MCTP2: variants seen among roughly 807,000 people sequenced by gnomAD.
MCTP2 encodes the protein multiple C2 and transmembrane domain-containing protein 2.
Under a neutral mutation model 111.6 loss-of-function variants are expected in MCTP2, and 132 were observed. That is an observed-to-expected ratio of 1.18 (90% confidence interval 1.03 to 1.37). The LOEUF (loss-of-function observed/expected upper bound fraction) is 1.37. Among genes scored for constraint, MCTP2 ranks in the 40% most tolerant of loss-of-function variants. The pLI, the probability that MCTP2 is intolerant of heterozygous loss-of-function variation, is 0.00. For missense variants in MCTP2, 1,183 were observed against 1,067.9 expected, an observed-to-expected ratio of 1.11 and a Z score of -1.50; for synonymous variants, 395 against 387.7, an observed-to-expected ratio of 1.02 and a Z score of -0.22.
At chr15:94,465,678 G>A (rs1169444904) in intron 20 of MCTP2, among the ~76,000 whole-genome samples, 1 of 152,120 alleles carries the variant, frequency 6.6e-6, no homozygotes, top group Non-Finnish European at 1.5e-5. Context: ...ACTGTAGCAT[G>A]TAATCCCTGC....
intron 11 of MCTP2, among the ~76,000 whole-genome samples, chr15:94,369,063 T>C: frequency 6.6e-6 from 1 of 152,218 alleles, no homozygotes; most frequent in East Asian, 1.9e-4. Flanking sequence ...TAAAGGCATT[T>C]CCACTTCTAA....
intron 17 of MCTP2, among the ~76,000 whole-genome samples, chr15:94,412,829 AC>A (rs1331412827): frequency 6.6e-6 from 1 of 151,702 alleles, no homozygotes; most frequent in Non-Finnish European, 1.5e-5. Context: ...TTGCAAGGAA[AC>A]TTTTATAGGC....
rs1403292419 is a variant in MCTP2, at chr15:94,257,591, T to G, written c.-66+25927T>G. ...GTTGTTTTTTTTTTTTTTTTTTTTTTTTTTTTTTTTTTTGAGACGGAGTCT... is the reference window on the plus strand; with the variant it reads ...GTTGTTTTTTTTTTTTTTTTTTTTTGTTTTTTTTTTTTTGAGACGGAGTCT... On this transcript the variant is annotated intron_variant, in intron 1 of 22. Transcript: ENST00000357742. 1.8e-4 allele frequency among the ~76,000 whole-genome samples: 11 copies of G among 60,076 alleles called. 1 individual carries two copies. Among genetic ancestry groups the G allele is most frequent in the Middle Eastern group, 9.8e-3 (1 of 102 alleles). 39.4% of individuals were successfully genotyped at this position (60,076 alleles called of 152,430 possible). A position where few individuals can be genotyped will look rare whatever the true frequency, so the allele number is the denominator to read the frequency against.
At chr15:94,357,814 A>T (rs1211188069) in intron 9 of MCTP2, among the ~76,000 whole-genome samples, 1 of 152,212 alleles carries the variant, frequency 6.6e-6, no homozygotes, top group Non-Finnish European at 1.5e-5. Context: ...AGGAAACAAA[A>T]ATGAAAATCC....
rs560334343 is a variant in MCTP2, at chr15:94,246,168, A to G, written c.-66+14504A>G. Among the ~76,000 whole-genome samples the G allele has an allele frequency of 1.2e-3, 177 of 152,224 alleles. 3 individuals are homozygous for G. The highest frequency in any genetic ancestry group is 8.7e-3 in the South Asian group (42 of 4,822). ...TGAAGGACCCTTTGCAATGCTACACATATTAGGAATGGACACTGAAACCGT... is the reference window on the plus strand; with the variant it reads ...TGAAGGACCCTTTGCAATGCTACACGTATTAGGAATGGACACTGAAACCGT... On this transcript the variant is annotated intron_variant, in intron 1 of 22. Coordinates refer to ENST00000357742, the MANE Select transcript of MCTP2 (RefSeq NM_001385001.1).
At chr15:94,257,566 G>GTTTTTTTTTTTTTTTTTTTTT (rs1220635423) in intron 1 of MCTP2, among the ~76,000 whole-genome samples, 5 of 73,006 alleles carry the variant, frequency 6.8e-5, no homozygotes, top group East Asian at 5.3e-4. Flanking sequence ...CATTTTCTTT[G>GTTTTTTTTTTTTTTTTTTTTT]TTGTTTTTTT....
chr15:94,276,836 ACTAAC>A, intron 1 of MCTP2, among the ~76,000 whole-genome samples: 1 of 110,810 alleles, frequency 9.0e-6, no homozygotes, highest in East Asian at 2.5e-4. Context: ...CTGTTAGTAA[ACTAAC>A]CCAAAAAAAA....
At chr15:94,299,921 A>AT (rs1374130899) in intron 2 of MCTP2, among the ~76,000 whole-genome samples, 1 of 152,142 alleles carries the variant, frequency 6.6e-6, no homozygotes. Flanking sequence ...GACTTTAACT[A>AT]TTTTTTTATT....
intron 2 of MCTP2, among the ~76,000 whole-genome samples, chr15:94,307,049 C>G (rs559815351): frequency 6.6e-6 from 1 of 152,068 alleles, no homozygotes; most frequent in Admixed American, 6.5e-5. Flanking sequence ...CAGCTACATC[C>G]CAGGGTCCAT....
intron 1 of MCTP2, among the ~76,000 whole-genome samples, chr15:94,242,676 C>T (rs1033017672): frequency 7.7e-6 from 1 of 129,666 alleles, no homozygotes; most frequent in South Asian, 2.5e-4. Flanking sequence ...AGACACTAGA[C>T]ACTGAAAGTT....
Position 94,340,261 on chromosome 15 carries a change from T to A in MCTP2, c.843T>A (p.Asp281Glu). 3.7e-6 allele frequency: 6 copies of A among 1,612,294 alleles called. No individual in the cohort carries two copies. Among genetic ancestry groups the A allele is most frequent in the Non-Finnish European group, 5.1e-6 (6 of 1,178,512 alleles). ...FMGSAFVILS[D>E]LELNRTTEHI... ...GTTCTGCATTTGTCATTCTCAGTGA[T>A]CTTGAGCTTAACAGGTACCGTATTT... The change falls in exon 6 of 23, where the codon GAT (aspartate) becomes GAA (glutamate). Residue 281 changes from aspartate to glutamate, a missense_variant. Physicochemically the swap from Asp to Glu is conservative, Grantham distance 45. Coordinates refer to ENST00000357742, the MANE Select transcript of MCTP2 (RefSeq NM_001385001.1).
intron 16 of MCTP2, among the ~76,000 whole-genome samples, chr15:94,401,584 C>G (rs1056066637): frequency 6.6e-4 from 100 of 152,138 alleles, no homozygotes; most frequent in Admixed American, 6.6e-3. Context: ...CTGCATGTGT[C>G]TTTCTCACAC....
chr15:94,385,081 C>T (rs2080379637), intron 13 of MCTP2, among the ~76,000 whole-genome samples: 1 of 152,152 alleles, frequency 6.6e-6, no homozygotes, highest in Admixed American at 6.5e-5. Context: ...CATTTGGAAG[C>T]TTTTTAAAAA....
At chr15:94,311,855 A>T (rs533857996) in intron 2 of MCTP2, among the ~76,000 whole-genome samples, 7 of 152,356 alleles carry the variant, frequency 4.6e-5, no homozygotes, top group African/African-American at 1.7e-4. Context: ...AATTAACATC[A>T]TCATTCAGTA....
chr15:94,252,330 G>A (rs1385119136), intron 1 of MCTP2, among the ~76,000 whole-genome samples: 1 of 152,124 alleles, frequency 6.6e-6, no homozygotes, highest in Non-Finnish European at 1.5e-5. Flanking sequence ...AGTTTAAAGT[G>A]TGTCTCATAA....
chr15:94,266,189 A>G (rs557536335), intron 1 of MCTP2, among the ~76,000 whole-genome samples: 1 of 152,338 alleles, frequency 6.6e-6, no homozygotes, highest in East Asian at 1.9e-4. Flanking sequence ...ACATTCTTGC[A>G]TCAGAGCAGC....
At chr15:94,474,650 G>C (rs2074201459) in intron 21 of MCTP2, among the ~76,000 whole-genome samples, 1 of 152,142 alleles carries the variant, frequency 6.6e-6, no homozygotes. Context: ...CCTGAGGTCA[G>C]GAGTTCAACA....
chr15:94,283,529 A>G (rs1252821640), intron 1 of MCTP2, among the ~76,000 whole-genome samples: 2 of 152,166 alleles, frequency 1.3e-5, no homozygotes, highest in African/African-American at 2.4e-5. Context: ...TCAAAGGTCT[A>G]TGGTGAAAGT....
At chr15:94,478,877 C>A in intron 22 of MCTP2, 89 bp from the exon 23 acceptor site, 1 of 1,076,462 alleles carries the variant, frequency 9.3e-7, no homozygotes. Context: ...CCTTCCTTTG[C>A]CTTCGGTTGT....
Sources: allele counts gnomAD v4.1 joint callset (sites outside exome capture counted in the v4.1 genomes callset), GRCh38; gene constraint gnomAD v4.1.1; transcripts MANE v1.5; gene names NCBI Gene and HGNC (gene_info 2026-07-23, HGNC 2026-07-21).